Variants in RBL2 observed in about 807,000 individuals in gnomAD.
The protein encoded by RBL2 is retinoblastoma-like protein 2.
In RBL2, 56 loss-of-function variants were observed where a neutral mutation model predicts 126.0. That is an observed-to-expected ratio of 0.44 (90% confidence interval 0.36 to 0.56). RBL2 has a LOEUF of 0.56. RBL2 is among the 20% of genes least tolerant of loss of function. The pLI is 0.00. For missense variants in RBL2, 1,229 were observed against 1,398.2 expected (o/e 0.88, Z 1.93); for synonymous variants, 454 against 478.5 (o/e 0.95, Z 0.67).
chr16:53,463,170 C>T (rs1451994435), intron 11 of RBL2, among the ~76,000 whole-genome samples: 1 of 152,044 alleles, frequency 6.6e-6, no homozygotes, highest in African/African-American at 2.4e-5. Flanking sequence ...GCTTCAGTAG[C>T]TTTTAATTAA....
At position 53,481,704 on chromosome 16, in the gene RBL2, G is replaced by C. The variant is rs758252473; in HGVS notation, c.3118G>C (p.Val1040Leu). ...TCCTCCACTCTCTCCCTATCCATTT[G>C]TAAGAACAGGCTCCCCTCGCCGAAT... ...DAPPLSPYPF[V>L]RTGSPRRIQL... Residue 1040 changes from valine (V) to leucine (L), a missense_variant, in exon 21 of 22, where the codon GTA (valine) becomes CTA (leucine). Physicochemically the swap from Val to Leu is conservative, Grantham distance 32 (BLOSUM62 1). Coordinates refer to ENST00000262133, the MANE Select transcript of RBL2 (RefSeq NM_005611.4). 10 of 1,609,996 alleles carry C rather than the reference G, an allele frequency of 6.2e-6. No homozygotes were observed. Among genetic ancestry groups the C allele is most frequent in the East Asian group, 4.5e-5 (2 of 44,784 alleles).
At chr16:53,469,042 C>T (rs1389268133) in intron 14 of RBL2, among the ~76,000 whole-genome samples, 2 of 152,126 alleles carry the variant, frequency 1.3e-5, no homozygotes, top group Admixed American at 1.3e-4. Flanking sequence ...CCAGCCTGGC[C>T]AACATGGTGA....
At chr16:53,453,679 C>G (rs754240665) in intron 6 of RBL2, 26 bp from the exon 7 acceptor site, 2 of 1,605,188 alleles carry the variant, frequency 1.2e-6, no homozygotes, top group Non-Finnish European at 1.7e-6. Context: ...AACATGACGA[C>G]TTAAGGATCT....
In RBL2 at chr16:53,439,220, T is replaced by G; in HGVS notation, c.371+74T>G. Reference sequence around the variant, plus strand: ...TAAATCATAGTGATAGTAAGAATTATCTCTGTTTATCATTTTCTGAGCATT... The same window carrying G: ...TAAATCATAGTGATAGTAAGAATTAGCTCTGTTTATCATTTTCTGAGCATT... On this transcript the variant is annotated intron_variant, in intron 2 of 21. Transcript: ENST00000262133. 3 of 1,292,118 alleles carry G rather than the reference T, an allele frequency of 2.3e-6. No homozygotes were observed. In the South Asian group the frequency reaches 6.4e-5, roughly 27 times the overall value. The allele number at this position is 1,292,118 out of a possible 1,614,324, so 80.0% of individuals were successfully genotyped here. A position where few individuals can be genotyped will look rare whatever the true frequency, so the allele number is the denominator to read the frequency against.
rs1480796741 is a variant in RBL2, at chr16:53,470,489, C to T, written c.2352C>T (p.Ala784=). The T allele has an allele frequency of 6.2e-7, 1 of 1,614,144 alleles. No individual in the cohort carries two copies. Among genetic ancestry groups the T allele is most frequent in the East Asian group, 2.2e-5 (1 of 44,880 alleles). ...TGSIQPLSAQ[A]LAGSLSSQQV... ...CCATCCAGCCCCTCAGTGCTCAGGC[C>T]CTGGCTGGAAGTCTGAGCTCTCAAC... The change falls in exon 16 of 22, where the codon GCC becomes GCT. Residue 784 remains alanine (A), a synonymous_variant. Coordinates refer to ENST00000262133, the MANE Select transcript of RBL2 (RefSeq NM_005611.4).
At chr16:53,483,364 C>T (rs896864328) in intron 21 of RBL2, among the ~76,000 whole-genome samples, 3 of 152,016 alleles carry the variant, frequency 2.0e-5, no homozygotes, top group African/African-American at 4.8e-5. Context: ...AGTTGGAGAA[C>T]GGCTCAGGCA....
chr16:53,470,896 A>G lies in RBL2; in HGVS notation c.2677A>G (p.Met893Val). 1 of 1,613,346 alleles carries G rather than the reference A, an allele frequency of 6.2e-7. No individual in the cohort carries two copies. Among genetic ancestry groups the G allele is most frequent in the Non-Finnish European group, 8.5e-7 (1 of 1,179,786 alleles). ...MMDRHLDQLL[M>V]CAIYVMAKVT... Reference sequence around the variant, plus strand: ...GGACAGACATCTGGACCAGTTATTAATGTGTGCCATTTATGTGATGGCAAA... The same window carrying G: ...GGACAGACATCTGGACCAGTTATTAGTGTGTGCCATTTATGTGATGGCAAA... Residue 893 changes from methionine to valine, a missense_variant, in exon 17 of 22, where the codon ATG becomes GTG. By Grantham distance (21) the Met-to-Val change is conservative (BLOSUM62 1). This residue lies in a region of RBL2 where 1,070 missense variants were observed against 1,274.3 expected (regional missense o/e 0.84). Transcript: ENST00000262133.
chr16:53,475,891 G>A (rs1329556399), intron 17 of RBL2, among the ~76,000 whole-genome samples: 1 of 126,604 alleles, frequency 7.9e-6, no homozygotes, highest in Non-Finnish European at 1.6e-5. Flanking sequence ...TGTCGCCTAG[G>A]CTGGAGTGTA....
In RBL2 at chr16:53,470,892, A is replaced by C; in HGVS notation, c.2673A>C (p.Leu891Phe). The C allele has an allele frequency of 6.2e-7, 1 of 1,613,554 alleles. No individual in the cohort carries two copies. Among genetic ancestry groups the C allele is most frequent in the African/African-American group, 1.3e-5 (1 of 75,012 alleles). Residue 891 changes from leucine (L) to phenylalanine (F), a missense_variant, in exon 17 of 22, where the codon TTA becomes TTC. Physicochemically the swap from Leu to Phe is conservative, Grantham distance 22. Transcript: ENST00000262133. The stretch of plus-strand genomic sequence containing the variant: ...TGATGGACAGACATCTGGACCAGTT[A>C]TTAATGTGTGCCATTTATGTGATGG... Reference protein sequence around the residue: ...ELMMDRHLDQLLMCAIYVMAK... With the variant: ...ELMMDRHLDQFLMCAIYVMAK...
Position 53,453,561 on chromosome 16 carries a change from G to T in RBL2, c.876G>T (p.Gly292=). 6.2e-7 allele frequency: 1 copy of T among 1,613,454 alleles called. No individual in the cohort carries two copies. Residue 292 remains glycine (G), a synonymous_variant, in exon 6 of 22, where the codon GGG becomes GGT. Coordinates refer to ENST00000262133, the MANE Select transcript of RBL2 (RefSeq NM_005611.4). ...ATGGCCTAGTTTTGGAAGCAAAGGG[G>T]ATAAAGGAACATTTCTGGAAACCCT... ...LHDGLVLEAK[G]IKEHFWKPYI... is the part of the protein sequence containing the mutation.
chr16:53,435,636 CTGTG>C, intron 1 of RBL2: 1 of 1,284,118 alleles, frequency 7.8e-7, no homozygotes, highest in Non-Finnish European at 1.0e-6. Flanking sequence ...AGCTGTTTGA[CTGTG>C]TGTGTGGCAT....
Position 53,479,879 on chromosome 16 carries a change from TC to T in RBL2, c.2776-6del. 6.4e-7 allele frequency: 1 copy of T among 1,565,492 alleles called. No homozygotes were observed. The highest frequency in any genetic ancestry group is 8.8e-7 in the Non-Finnish European group (1 of 1,141,908). On this transcript the variant is annotated splice_polypyrimidine_tract_variant and splice_region_variant and intron_variant, in intron 18 of 21. Transcript: ENST00000262133. ...GTTTATGTCCCCTTCTCATTGTTTC[TC>T]TAAAGGTGTATAGAAGTGTTTTGAT...
intron 5 of RBL2, among the ~76,000 whole-genome samples, chr16:53,452,778 C>T (rs2058127647): frequency 6.6e-6 from 1 of 151,984 alleles, no homozygotes. Context: ...ATGATCCTCT[C>T]ATCTCAGCCT....
chr16:53,434,594 C>A lies in RBL2; in HGVS notation c.38C>A (p.Pro13His). Residue 13 changes from proline to histidine, a missense_variant, in exon 1 of 22, where the codon CCT (proline) becomes CAT (histidine). By Grantham distance (77) the Pro-to-His change is moderately conservative. Transcript: ENST00000262133. ...SGGDQSPPPP[P>H]PPPAAAASDE... ...GGTGACCAGTCGCCACCGCCCCCGC[C>A]TCCCCCTCCGGCGGCGGCAGCCTCG... The A allele has an allele frequency of 6.5e-7, 1 of 1,547,972 alleles. No individual in the cohort carries two copies. The highest frequency in any genetic ancestry group is 1.9e-5 in the Admixed American group (1 of 53,786).
At chr16:53,450,921 C>T (rs893698438) in intron 4 of RBL2, among the ~76,000 whole-genome samples, 3 of 150,288 alleles carry the variant, frequency 2.0e-5, no homozygotes, top group Non-Finnish European at 3.0e-5. Context: ...CCAGCCTGGG[C>T]GACAGTGAGA....
rs144960602 is a variant in RBL2 at position 53,454,740 on chromosome 16, G to A, written c.1077G>A (p.Glu359=). 9.3e-6 allele frequency: 15 copies of A among 1,613,924 alleles called. No individual in the cohort carries two copies. The highest frequency in any genetic ancestry group is 5.3e-5 in the African/African-American group (4 of 74,922). Residue 359 remains glutamate, a synonymous_variant, in exon 8 of 22, where the codon GAG becomes GAA. Coordinates refer to ENST00000262133, the MANE Select transcript of RBL2 (RefSeq NM_005611.4). ...GGATATTTCTTGGAGAGGATGCTGA[G>A]GAGGAAATTGGGACTCTCTCAAGGT... ...DERIFLGEDA[E]EEIGTLSRCL... is the part of the protein sequence containing the mutation.
At chr16:53,476,259 C>T (rs547020798) in intron 17 of RBL2, among the ~76,000 whole-genome samples, 4 of 152,276 alleles carry the variant, frequency 2.6e-5, no homozygotes, top group African/African-American at 9.6e-5. Context: ...CTGTTTGACT[C>T]ACTGGTTATG....
chr16:53,451,913 A>G (rs1464556340), intron 5 of RBL2, 82 bp downstream of exon 5: 1 of 1,500,500 alleles, frequency 6.7e-7, no homozygotes, highest in Non-Finnish European at 9.1e-7. Context: ...GTTTCCTAGC[A>G]TCAGTATTTT....
intron 2 of RBL2, among the ~76,000 whole-genome samples, chr16:53,439,969 AAAAAAAAAAG>A (rs1466278436): frequency 6.6e-6 from 1 of 150,922 alleles, no homozygotes; most frequent in African/African-American, 2.4e-5. Flanking sequence ...AAAAAAAAAA[AAAAAAAAAAG>A]AAGGTTACTA....
Sources: gnomAD v4.1 joint callset for allele counts (sites outside exome capture counted in the v4.1 genomes callset) on GRCh38, gnomAD v4.1.1 for gene constraint, gnomAD v4.1.1 regional missense constraint, MANE v1.5 for transcripts, NCBI Gene and HGNC (gene_info 2026-07-23, HGNC 2026-07-21) for gene names.